PLCE1: variants seen among roughly 807,000 people sequenced by gnomAD.
The protein encoded by PLCE1 is phospholipase C epsilon 1.
A neutral mutation model predicts 242.8 loss-of-function variants in PLCE1; 119 were observed. The observed-to-expected ratio is 0.49, with a 90% confidence interval of 0.42 to 0.57. PLCE1 has a LOEUF of 0.57. Ranked by LOEUF, PLCE1 falls within the 20% of genes least tolerant of loss-of-function variation. PLCE1 has a pLI of 0.00. For missense variants in PLCE1, 2,441 were observed against 2,788.8 expected (o/e 0.88, Z 2.81); for synonymous variants, 945 against 1,017.4 (o/e 0.93, Z 1.35).
chr10:94,244,001 A>G (rs1019943967), intron 7 of PLCE1, among the ~76,000 whole-genome samples: 1 of 152,184 alleles, frequency 6.6e-6, no homozygotes, highest in Non-Finnish European at 1.5e-5. Flanking sequence ...ACCAAAATCT[A>G]TGCATACATT....
At chr10:94,123,813 T>A (rs1205053818) in intron 2 of PLCE1, among the ~76,000 whole-genome samples, 1 of 152,216 alleles carries the variant, frequency 6.6e-6, no homozygotes, top group Non-Finnish European at 1.5e-5. Flanking sequence ...CACTTCATGC[T>A]GTGAGAGGCC....
chr10:94,308,433 CTT>C, intron 26 of PLCE1, 146 bp from the exon 27 acceptor site: 4 of 759,836 alleles, frequency 5.3e-6, no homozygotes, highest in Non-Finnish European at 7.2e-6. Context: ...GCAGCACTCT[CTT>C]GGCGAAAAGA....
intron 1 of PLCE1, among the ~76,000 whole-genome samples, chr10:94,018,317 C>T (rs1346097440): frequency 1.3e-5 from 2 of 152,158 alleles, no homozygotes; most frequent in African/African-American, 4.8e-5. Context: ...CCGAAATGTG[C>T]TATGCTACTT....
At chr10:94,053,324 AGCTGCT>A (rs1191124914) in intron 2 of PLCE1, among the ~76,000 whole-genome samples, 2 of 152,250 alleles carry the variant, frequency 1.3e-5, no homozygotes, top group East Asian at 3.8e-4. Flanking sequence ...AATAGATTTT[AGCTGCT>A]GCTATTGTCA....
At chr10:94,208,862 C>A (rs547395786) in intron 4 of PLCE1, among the ~76,000 whole-genome samples, 3 of 152,140 alleles carry the variant, frequency 2.0e-5, no homozygotes, top group African/African-American at 7.2e-5. Flanking sequence ...TGCACGTGGG[C>A]CTCAAAACAC....
chr10:94,265,946 A>T lies in PLCE1; in HGVS notation c.4269A>T (p.Glu1423Asp). The T allele has an allele frequency of 1.2e-6, 2 of 1,614,006 alleles. No individual in the cohort carries two copies. Among genetic ancestry groups the T allele is most frequent in the Non-Finnish European group, 1.7e-6 (2 of 1,179,934 alleles). Residue 1423 changes from glutamate to aspartate, a missense_variant, in exon 16 of 33, where the codon GAA becomes GAT. Glu to Asp is a conservative substitution (Grantham distance 45). This residue lies in a region of PLCE1 where 1,004 missense variants were observed against 1,322.7 expected (regional missense o/e 0.76). Transcript: ENST00000371380. ...GHQLKGESSV[E>D]LYSQVLLQGC... ...AGCTCAAAGGAGAATCCTCGGTAGA[A>T]CTCTACAGCCAGGTACAGGGAATGC...
At chr10:94,311,581 C>A (rs987524842) in intron 27 of PLCE1, among the ~76,000 whole-genome samples, 5 of 152,212 alleles carry the variant, frequency 3.3e-5, no homozygotes, top group African/African-American at 1.2e-4. Context: ...ATCATCCTGG[C>A]CTTCTGCCCC....
intron 2 of PLCE1, among the ~76,000 whole-genome samples, chr10:94,034,797 C>G (rs1026220979): frequency 7.9e-5 from 12 of 152,170 alleles, no homozygotes; most frequent in African/African-American, 1.4e-4. Flanking sequence ...TCTATAGATT[C>G]TATGGAGTTG....
chr10:94,258,684 C>A, intron 11 of PLCE1, 116 bp from the exon 12 acceptor site: 1 of 1,208,112 alleles, frequency 8.3e-7, no homozygotes, highest in Non-Finnish European at 1.2e-6. Flanking sequence ...TAGCTTCAAT[C>A]TTAAATAACT....
chr10:94,056,998 A>G (rs1311270008), intron 2 of PLCE1, among the ~76,000 whole-genome samples: 1 of 152,126 alleles, frequency 6.6e-6, no homozygotes, highest in Non-Finnish European at 1.5e-5. Flanking sequence ...ACTTTTTATG[A>G]CTGAATACTA....
intron 4 of PLCE1, among the ~76,000 whole-genome samples, chr10:94,196,530 A>C (rs2048826771): frequency 6.6e-6 from 1 of 152,182 alleles, no homozygotes; most frequent in African/African-American, 2.4e-5. Context: ...TTATGCCTAT[A>C]ATTCCAGCAC....
intron 2 of PLCE1, among the ~76,000 whole-genome samples, chr10:94,123,688 AC>A (rs2046361275): frequency 6.6e-6 from 1 of 152,172 alleles, no homozygotes; most frequent in Non-Finnish European, 1.5e-5. Context: ...CACCCATCAG[AC>A]ATGAAACTTC....
At chr10:94,049,489 A>T (rs1349959932) in intron 2 of PLCE1, among the ~76,000 whole-genome samples, 1 of 152,160 alleles carries the variant, frequency 6.6e-6, no homozygotes, top group African/African-American at 2.4e-5. Context: ...TCATTGGTTA[A>T]TTCATCCATC....
intron 3 of PLCE1, among the ~76,000 whole-genome samples, chr10:94,153,930 G>A (rs769482818): frequency 1.3e-5 from 2 of 152,188 alleles, no homozygotes; most frequent in African/African-American, 4.8e-5. Flanking sequence ...ATTTAGCATT[G>A]TTCAAATGGC....
intron 4 of PLCE1, among the ~76,000 whole-genome samples, chr10:94,191,375 C>G (rs937867732): frequency 5.3e-5 from 8 of 152,098 alleles, no homozygotes; most frequent in African/African-American, 1.9e-4. Flanking sequence ...GGCACAGGCG[C>G]TCATGTCTGT....
At chr10:94,023,418 G>A (rs1391054416) in intron 1 of PLCE1, among the ~76,000 whole-genome samples, 2 of 151,878 alleles carry the variant, frequency 1.3e-5, no homozygotes, top group Admixed American at 1.3e-4. Flanking sequence ...GTGTGTTTGT[G>A]CATGCCTGCA....
At chr10:94,256,253 G>A (rs2051091123) in intron 11 of PLCE1, among the ~76,000 whole-genome samples, 1 of 149,626 alleles carries the variant, frequency 6.7e-6, no homozygotes, top group Admixed American at 6.7e-5. Flanking sequence ...GAGCCTGGGA[G>A]GTTCCGGCTG....
At chr10:94,042,935 T>C (rs2061797346) in intron 2 of PLCE1, among the ~76,000 whole-genome samples, 1 of 152,198 alleles carries the variant, frequency 6.6e-6, no homozygotes, top group Admixed American at 6.5e-5. Context: ...TATTTTTCCA[T>C]TTTAATTTAG....
intron 6 of PLCE1, among the ~76,000 whole-genome samples, chr10:94,235,402 C>T (rs909694336): frequency 1.3e-5 from 2 of 152,164 alleles, no homozygotes; most frequent in Non-Finnish European, 2.9e-5. Flanking sequence ...AGAGAAGCTT[C>T]CTAATCAACT....
Sources: allele counts gnomAD v4.1 joint callset (sites outside exome capture counted in the v4.1 genomes callset), GRCh38; gene constraint gnomAD v4.1.1; regional missense constraint gnomAD v4.1.1; transcripts MANE v1.5; gene names NCBI Gene and HGNC (gene_info 2026-07-23, HGNC 2026-07-21).